Variants in NYAP2 observed in about 807,000 individuals in gnomAD.
The protein encoded by NYAP2 is neuronal tyrosine-phosphorylated phosphoinositide-3-kinase adaptor 2.
A neutral mutation model predicts 50.4 loss-of-function variants in NYAP2; 23 were observed. The observed-to-expected ratio is 0.46, with a 90% CI of 0.33 to 0.65. The LOEUF (loss-of-function observed/expected upper bound fraction) is 0.65, where lower values mean the gene tolerates loss of function less well. Among genes scored for constraint, NYAP2 ranks in the 30% least tolerant of loss-of-function variants. The pLI is 0.02. For missense variants in NYAP2, 885 were observed against 861.0 expected, an observed-to-expected ratio of 1.03 and a Z score of -0.35; for synonymous variants, 394 against 365.2, an observed-to-expected ratio of 1.08 and a Z score of -0.90.
At chr2:225,561,651 G>A (rs1048535678) in intron 4 of NYAP2, among the ~76,000 whole-genome samples, 2 of 152,088 alleles carry the variant, frequency 1.3e-5, no homozygotes, top group East Asian at 3.9e-4. Flanking sequence ...GGCAGCTATA[G>A]TTTATTGTGA....
chr2:225,476,375 T>C (rs993489199), intron 3 of NYAP2, among the ~76,000 whole-genome samples: 4 of 149,790 alleles, frequency 2.7e-5, no homozygotes, highest in East Asian at 2.0e-4. Flanking sequence ...ATCACGCCAC[T>C]GCACTCCAGC....
chr2:225,678,936 C>T, the NYAP2 span, among the ~76,000 whole-genome samples: 25 of 151,998 alleles, frequency 1.6e-4, no homozygotes, highest in African/African-American at 5.8e-4. Context: ...AATTAGAGTC[C>T]TAAAGAATAG....
chr2:225,616,855 A>G (rs1693000196), intron 5 of NYAP2, among the ~76,000 whole-genome samples: 1 of 152,182 alleles, frequency 6.6e-6, no homozygotes, highest in Non-Finnish European at 1.5e-5. Context: ...CTGATAATGC[A>G]ACTTAGTTCA....
chr2:225,605,196 C>A (rs993005888), intron 5 of NYAP2, among the ~76,000 whole-genome samples: 2 of 152,082 alleles, frequency 1.3e-5, no homozygotes, highest in Admixed American at 6.6e-5. Flanking sequence ...AAGATTGAGG[C>A]ATTTTTCCAT....
At chr2:225,485,828 T>G (rs1338968329) in intron 3 of NYAP2, among the ~76,000 whole-genome samples, 1 of 152,188 alleles carries the variant, frequency 6.6e-6, no homozygotes, top group East Asian at 1.9e-4. Flanking sequence ...TCAAGGTTTC[T>G]CGGCGTGACT....
At chr2:225,438,318 G>T (rs1689414691) in intron 3 of NYAP2, among the ~76,000 whole-genome samples, 2 of 152,356 alleles carry the variant, frequency 1.3e-5, no homozygotes, top group Admixed American at 1.3e-4. Context: ...TGCTATTGCA[G>T]TGGTGTAAAG....
At position 225,545,326 on chromosome 2, in the gene NYAP2, C is replaced by T. The variant is rs570798491; in HGVS notation, c.523+31654C>T. 3.3e-5 allele frequency among the ~76,000 whole-genome samples: 5 copies of T among 152,172 alleles called. No homozygotes were observed. In the South Asian group the frequency reaches 8.3e-4, roughly 25 times the overall value. Reference sequence around the variant, plus strand: ...CTTTAAGGCCAATCACTCTTAGATTCGCCCTTTTGAGGCCATTTTATACAT... The same window carrying T: ...CTTTAAGGCCAATCACTCTTAGATTTGCCCTTTTGAGGCCATTTTATACAT... On this transcript the variant is annotated intron_variant, in intron 4 of 6. Transcript: ENST00000636099.
rs181053795 is a variant in NYAP2 at position 225,526,465 on chromosome 2, T to A, written c.523+12793T>A. 7.9e-5 allele frequency among the ~76,000 whole-genome samples: 12 copies of A among 152,248 alleles called. No homozygotes were observed. In the South Asian group the frequency reaches 1.5e-3, roughly 18 times the overall value. On this transcript the variant is annotated intron_variant, in intron 4 of 6. Coordinates refer to ENST00000636099, the Ensembl canonical transcript of NYAP2. ...GGCCAGACTTTGAAAATAAATGAGA[T>A]GATAGAGGTTCAGCAAATACTGACA...
intron 6 of NYAP2, among the ~76,000 whole-genome samples, chr2:225,632,859 C>A (rs1442538356): frequency 1.3e-5 from 2 of 152,138 alleles, no homozygotes; most frequent in African/African-American, 4.8e-5. Context: ...CTGTGACCCT[C>A]AAAAATTTTA....
rs377286739 is a variant in NYAP2 at position 225,600,539 on chromosome 2, C to T, written c.1618+17504C>T. Among the ~76,000 whole-genome samples the T allele has an allele frequency of 3.3e-5, 5 of 152,248 alleles. No individual in the cohort carries two copies. In the East Asian group the frequency reaches 5.8e-4, roughly 18 times the overall value. ...AACTAAGTTCCTGCCAAAGTTAGTT[C>T]ATCTTACACTCAGGAATGAATAAGG... On this transcript the variant is annotated intron_variant, in intron 5 of 6. Coordinates refer to ENST00000636099, the Ensembl canonical transcript of NYAP2.
In NYAP2 at chr2:225,543,691, C is replaced by A. The variant is rs111806127; in HGVS notation, c.523+30019C>A. 4.8e-3 allele frequency among the ~76,000 whole-genome samples: 734 copies of A among 152,026 alleles called. 3 individuals are homozygous for A. The highest frequency in any genetic ancestry group is 6.1e-3 in the Non-Finnish European group (411 of 67,890). ...TTTTGTGACCTATCATATGGTTTGT[C>A]CTTGAGAATGTTCCATGTGCTGAGG... On this transcript the variant is annotated intron_variant, in intron 4 of 6. Transcript: ENST00000636099.
At chr2:225,519,476 G>T (rs1290807680) in intron 4 of NYAP2, among the ~76,000 whole-genome samples, 1 of 134,238 alleles carries the variant, frequency 7.4e-6, no homozygotes, top group African/African-American at 2.9e-5. Context: ...CTGTGTCCAT[G>T]TGTTCTCATT....
At chr2:225,605,963 G>A (rs1692778064) in intron 5 of NYAP2, among the ~76,000 whole-genome samples, 1 of 152,092 alleles carries the variant, frequency 6.6e-6, no homozygotes, top group Admixed American at 6.6e-5. Flanking sequence ...ATATAAAACA[G>A]TGTCTCTTAA....
At chr2:225,517,039 G>A (rs1690947385) in intron 4 of NYAP2, among the ~76,000 whole-genome samples, 2 of 151,588 alleles carry the variant, frequency 1.3e-5, no homozygotes, top group Non-Finnish European at 1.5e-5. Flanking sequence ...GCTTTTCAGA[G>A]TAGAAAAAAA....
chr2:225,545,804 A>C (rs1199283815), intron 4 of NYAP2, among the ~76,000 whole-genome samples: 1 of 152,108 alleles, frequency 6.6e-6, no homozygotes, highest in Non-Finnish European at 1.5e-5. Context: ...TAGTCTTTGC[A>C]GTCCGGGCTT....
chr2:225,487,904 G>A (rs538695610), intron 3 of NYAP2, among the ~76,000 whole-genome samples: 4 of 152,134 alleles, frequency 2.6e-5, no homozygotes, highest in Non-Finnish European at 5.9e-5. Context: ...TCCTCTATTC[G>A]CTTTCTCTAT....
At chr2:225,437,086 A>G (rs1201814777) in intron 3 of NYAP2, among the ~76,000 whole-genome samples, 4 of 151,984 alleles carry the variant, frequency 2.6e-5, no homozygotes, top group Non-Finnish European at 4.4e-5. Context: ...TCATATATAT[A>G]TATATATGTA....
At chr2:225,685,468 C>T in the NYAP2 span, among the ~76,000 whole-genome samples, 3 of 152,220 alleles carry the variant, frequency 2.0e-5, no homozygotes, top group East Asian at 5.8e-4. Flanking sequence ...AATTCTTGCT[C>T]ATTTAAAAAC....
chr2:225,637,266 C>A (rs1213836322), intron 6 of NYAP2, among the ~76,000 whole-genome samples: 8 of 152,062 alleles, frequency 5.3e-5, no homozygotes, highest in Non-Finnish European at 1.2e-4. Context: ...AGTATGAGTT[C>A]TCCGTTATAT....
Sources: gnomAD v4.1 joint callset for allele counts (sites outside exome capture counted in the v4.1 genomes callset) on GRCh38, gnomAD v4.1.1 for gene constraint, MANE v1.5 for transcripts, NCBI Gene and HGNC (gene_info 2026-07-23, HGNC 2026-07-21) for gene names.